The following PMPCB variants were observed in gnomAD, a reference collection of about 807,000 sequenced individuals.
PMPCB encodes the protein peptidase, mitochondrial processing subunit beta.
A neutral mutation model predicts 61.5 loss-of-function variants in PMPCB; 46 were observed. The observed-to-expected ratio is 0.75, with a 90% CI of 0.59 to 0.96. PMPCB has a LOEUF of 0.96. Ranked by LOEUF, PMPCB falls within the 40% of genes least tolerant of loss-of-function variation. The pLI is 0.00. For missense variants in PMPCB, 590 were observed against 602.4 expected, an observed-to-expected ratio of 0.98 and a Z score of 0.22; for synonymous variants, 191 against 201.6, an observed-to-expected ratio of 0.95 and a Z score of 0.44.
the PMPCB span, chr7:103,347,425 G>T: frequency 3.6e-6 from 1 of 278,114 alleles, no homozygotes; most frequent in Non-Finnish European, 7.1e-6. Context: ...CTCTTTACCA[G>T]AAATAGATTA....
chr7:103,314,090 T>C lies in PMPCB; in HGVS notation c.*1819T>C. 3 of 985,370 alleles carry C rather than the reference T, an allele frequency of 3.0e-6. No individual in the cohort carries two copies. Among genetic ancestry groups the C allele is most frequent in the South Asian group, 4.7e-5 (1 of 21,288 alleles). The allele number at this position is 985,370 out of a possible 1,614,324, so 61.0% of individuals were successfully genotyped here. On this transcript the variant is annotated 3_prime_UTR_variant, in exon 13 of 13. Coordinates refer to ENST00000249269, the MANE Select transcript of PMPCB (RefSeq NM_004279.3). The stretch of plus-strand genomic sequence containing the variant: ...ACAAAGCAGAGAATTTGTATAATAT[T>C]TGATGGTACCTAAGGTGCCTAAGAA...
In PMPCB at chr7:103,313,497, G is replaced by A; in HGVS notation, c.*1226G>A. 1.0e-6 allele frequency: 1 copy of A among 985,076 alleles called. No individual in the cohort carries two copies. Among genetic ancestry groups the A allele is most frequent in the Non-Finnish European group, 1.2e-6 (1 of 829,674 alleles). The allele number at this position is 985,076 out of a possible 1,614,324, so 61.0% of individuals were successfully genotyped here. A position where few individuals can be genotyped will look rare whatever the true frequency, so the allele number is the denominator to read the frequency against. ...ATAAATCTACTTCCTTACAGAATAGGTAAAAGAGCTTCCTCACAGTTAAAC... is the reference window on the plus strand; with the variant it reads ...ATAAATCTACTTCCTTACAGAATAGATAAAAGAGCTTCCTCACAGTTAAAC... On this transcript the variant is annotated 3_prime_UTR_variant, in exon 13 of 13. Coordinates refer to ENST00000249269, the MANE Select transcript of PMPCB (RefSeq NM_004279.3).
chr7:103,346,269 A>T, the PMPCB span, among the ~76,000 whole-genome samples: 2 of 151,978 alleles, frequency 1.3e-5, no homozygotes, highest in Admixed American at 6.6e-5. Context: ...AGTAGCTGGG[A>T]TTACAGGTGC....
At chr7:103,339,998 C>T in the PMPCB span, among the ~76,000 whole-genome samples, 573 of 152,282 alleles carry the variant, frequency 3.8e-3, 4 homozygotes, top group African/African-American at 0.014. Flanking sequence ...GCCACCACGC[C>T]TGGCTAATTT....
chr7:103,313,270 A>G lies in PMPCB; in HGVS notation c.*999A>G. 1 of 1,342,986 alleles carries G rather than the reference A, an allele frequency of 7.4e-7. No individual in the cohort carries two copies. Among genetic ancestry groups the G allele is most frequent in the Admixed American group, 3.5e-5 (1 of 28,284 alleles). 83.2% of individuals were successfully genotyped at this position (1,342,986 alleles called of 1,614,324 possible). A position where few individuals can be genotyped will look rare whatever the true frequency, so the allele number is the denominator to read the frequency against. ...ATAGCCCTCTGAGTGTTAATAAGAG[A>G]AAAAATTTCAGATAGCTCACATCCC... On this transcript the variant is annotated 3_prime_UTR_variant, in exon 13 of 13. Transcript: ENST00000249269.
chr7:103,319,793 C>T (rs1818281009), intron 12 of PMPCB: 3 of 1,614,192 alleles, frequency 1.9e-6, no homozygotes, highest in Non-Finnish European at 2.5e-6. Context: ...TTTTCCACTT[C>T]TTCCATCATT....
intron 1 of PMPCB, 79 bp from the exon 2 acceptor site, chr7:103,298,489 T>G: frequency 7.3e-7 from 1 of 1,361,016 alleles, no homozygotes; most frequent in Non-Finnish European, 1.0e-6. Flanking sequence ...TTAAAATAGA[T>G]TTGGTTTTAA....
downstream of PMPCB, chr7:103,315,889 T>A (rs754966522): frequency 6.5e-5 from 102 of 1,580,064 alleles, no homozygotes; most frequent in Middle Eastern, 1.7e-4. Flanking sequence ...ATGAAAAAAA[T>A]TTAATACTTA....
At chr7:103,298,771 T>A in intron 2 of PMPCB, 63 bp downstream of exon 2, 2 of 1,509,852 alleles carry the variant, frequency 1.3e-6, no homozygotes, top group South Asian at 2.4e-5. Flanking sequence ...TTGTTGATTT[T>A]AATCTTTAGC....
rs1203302546 is a variant in PMPCB at position 103,309,082 on chromosome 7, T to C, written c.980T>C (p.Phe327Ser). ...CTGATTGGCAACTGGGATCGCTCTTTTGGGGGAGGAATGGTAAGTGATTTT... is the reference window on the plus strand; with the variant it reads ...CTGATTGGCAACTGGGATCGCTCTTCTGGGGGAGGAATGGTAAGTGATTTT... ...NTLIGNWDRS[F>S]GGGMNLSSKL... is the part of the protein sequence containing the mutation. Residue 327 changes from phenylalanine (F) to serine (S), a missense_variant, in exon 8 of 13, where the codon TTT (phenylalanine) becomes TCT (serine). By Grantham distance (155) the Phe-to-Ser change is radical. Transcript: ENST00000249269. The C allele has an allele frequency of 2.5e-6, 4 of 1,602,134 alleles. No individual in the cohort carries two copies. Among genetic ancestry groups the C allele is most frequent in the Middle Eastern group, 1.7e-4 (1 of 5,986 alleles).
At chr7:103,346,550 A>C in the PMPCB span, among the ~76,000 whole-genome samples, 5 of 152,220 alleles carry the variant, frequency 3.3e-5, no homozygotes, top group Non-Finnish European at 7.3e-5. Context: ...TAACCACCCT[A>C]CAAAACTATT....
the PMPCB span, chr7:103,337,387 C>A: frequency 5.9e-6 from 1 of 169,696 alleles, no homozygotes; most frequent in Non-Finnish European, 1.2e-5. Flanking sequence ...AACCAAAAAC[C>A]AAAAAACAAT....
downstream of PMPCB, chr7:103,315,949 T>C: frequency 2.6e-6 from 4 of 1,544,054 alleles, no homozygotes; most frequent in East Asian, 2.3e-5. Flanking sequence ...ATTTTAAAAA[T>C]AGGTGTTTAA....
intron 9 of PMPCB, chr7:103,311,317 T>C (rs939832006): frequency 7.3e-6 from 2 of 273,508 alleles, no homozygotes; most frequent in African/African-American, 4.4e-5. Context: ...CAGAAACCAA[T>C]GAATGACCCA....
the PMPCB span, among the ~76,000 whole-genome samples, chr7:103,341,246 CT>C: frequency 6.6e-6 from 1 of 152,176 alleles, no homozygotes; most frequent in African/African-American, 2.4e-5. Context: ...AAGGGAATTA[CT>C]TTTCTAAAAT....
At chr7:103,339,979 C>T in the PMPCB span, among the ~76,000 whole-genome samples, 1 of 152,280 alleles carries the variant, frequency 6.6e-6, no homozygotes, top group Non-Finnish European at 1.5e-5. Context: ...GCTGCGATTA[C>T]AGGCATGTGC....
intron 12 of PMPCB, chr7:103,322,413 C>A: frequency 8.2e-7 from 1 of 1,219,758 alleles, no homozygotes; most frequent in South Asian, 1.6e-5. Flanking sequence ...TCTCTGCTTT[C>A]GAATTATAGT....
At chr7:103,346,447 A>G in the PMPCB span, among the ~76,000 whole-genome samples, 1 of 152,094 alleles carries the variant, frequency 6.6e-6, no homozygotes, top group African/African-American at 2.4e-5. Context: ...TTTGTTTTTT[A>G]AAAAAATTGT....
rs759589073 is a variant in PMPCB at position 103,303,850 on chromosome 7, A to G, written c.466A>G (p.Ile156Val). ...FSKDLPRAVE[I>V]LADIIQNSTL... The stretch of plus-strand genomic sequence containing the variant: ...ATTTTATTTTCAATTAGCTGTAGAA[A>G]TTCTTGCTGATATAATACAAAACAG... Residue 156 changes from isoleucine to valine, a missense_variant, in exon 5 of 13, where the codon ATT becomes GTT. Ile to Val is a conservative substitution (Grantham distance 29). Coordinates refer to ENST00000249269, the MANE Select transcript of PMPCB (RefSeq NM_004279.3). 1.2e-6 allele frequency: 2 copies of G among 1,604,342 alleles called. No individual in the cohort carries two copies. The highest frequency in any genetic ancestry group is 1.7e-6 in the Non-Finnish European group (2 of 1,174,996).
Sources: gnomAD v4.1 joint callset for allele counts (sites outside exome capture counted in the v4.1 genomes callset) on GRCh38, gnomAD v4.1.1 for gene constraint, MANE v1.5 for transcripts, NCBI Gene and HGNC (gene_info 2026-07-23, HGNC 2026-07-21) for gene names.